USP28: variants seen among roughly 807,000 people sequenced by gnomAD.
USP28 encodes the protein ubiquitin carboxyl-terminal hydrolase 28.
A neutral mutation model predicts 145.0 loss-of-function variants in USP28; 113 were observed. The observed-to-expected ratio is 0.78, with a 90% CI of 0.67 to 0.91. The LOEUF is 0.91. Among genes scored for constraint, USP28 ranks in the 40% least tolerant of loss-of-function variants. USP28 has a pLI of 0.00. For synonymous variants in USP28, 447 were observed against 450.9 expected (o/e 0.99, Z 0.11); for missense variants, 1,201 against 1,289.6 (o/e 0.93, Z 1.05).
At chr11:113,836,517 T>G (rs1388361491) in intron 5 of USP28, among the ~76,000 whole-genome samples, 1 of 152,204 alleles carries the variant, frequency 6.6e-6, no homozygotes, top group Non-Finnish European at 1.5e-5. Context: ...CACTGAAGAC[T>G]GTCATCTAGT....
At chr11:113,855,468 T>C (rs1591440700) in intron 1 of USP28, among the ~76,000 whole-genome samples, 1 of 152,234 alleles carries the variant, frequency 6.6e-6, no homozygotes, top group Non-Finnish European at 1.5e-5. Context: ...CCTAAGGTTA[T>C]GCTTAAATTA....
chr11:113,799,963 T>A (rs1490916246), intron 24 of USP28, among the ~76,000 whole-genome samples: 3 of 152,142 alleles, frequency 2.0e-5, no homozygotes, highest in Non-Finnish European at 4.4e-5. Flanking sequence ...ACAGGATTTT[T>A]AAATAAATAC....
intron 9 of USP28, among the ~76,000 whole-genome samples, chr11:113,830,640 G>A (rs1445407085): frequency 6.6e-6 from 1 of 152,102 alleles, no homozygotes; most frequent in East Asian, 1.9e-4. Context: ...GTATTAATAT[G>A]ACAAATCTGA....
chr11:113,869,660 T>C (rs1328896557), intron 1 of USP28, among the ~76,000 whole-genome samples: 2 of 152,098 alleles, frequency 1.3e-5, no homozygotes, highest in African/African-American at 2.4e-5. Flanking sequence ...GCTGGGTTTT[T>C]GTAAATAAAA....
At chr11:113,803,124 A>G in intron 23 of USP28, 34 bp downstream of exon 24, 1 of 1,584,116 alleles carries the variant, frequency 6.3e-7, no homozygotes, top group Non-Finnish European at 8.6e-7. Context: ...GGTAAACAAC[A>G]AAAAAACCTT....
chr11:113,838,692 C>G (rs1276848139), intron 5 of USP28, among the ~76,000 whole-genome samples: 1 of 152,236 alleles, frequency 6.6e-6, no homozygotes, highest in Non-Finnish European at 1.5e-5. Flanking sequence ...CAGCTGAACC[C>G]TGTCCAGTCC....
chr11:113,800,285 G>A (rs993187321), intron 24 of USP28, among the ~76,000 whole-genome samples: 2 of 152,060 alleles, frequency 1.3e-5, no homozygotes, highest in Non-Finnish European at 2.9e-5. Context: ...GACTACAGGC[G>A]TGAGCCACTG....
At chr11:113,823,311 C>T (rs1405202084) in intron 12 of USP28, among the ~76,000 whole-genome samples, 1 of 152,026 alleles carries the variant, frequency 6.6e-6, no homozygotes, top group African/African-American at 2.4e-5. Flanking sequence ...AAAAAGATGG[C>T]AAGGGGAGTA....
chr11:113,808,403 G>A, exon 18 of USP28: 1 of 1,614,102 alleles, frequency 6.2e-7, no homozygotes, highest in Non-Finnish European at 8.5e-7. Flanking sequence ...CAGACGACAA[G>A]CAGCGAACCC....
At chr11:113,840,861 A>C in intron 4 of USP28, 104 bp from the exon 5 acceptor site, 4 of 1,373,440 alleles carry the variant, frequency 2.9e-6, no homozygotes, top group Non-Finnish European at 1.9e-6. Context: ...AAACACCAGA[A>C]AAAGTATTTA....
At position 113,808,436 on chromosome 11, in the gene USP28, C is replaced by G. The variant is rs759394204; in HGVS notation, c.2166G>C (p.Glu722Asp). The change falls in exon 18 of 25, where the codon GAG becomes GAC. Residue 722 changes from glutamate (E) to aspartate (D), a missense_variant and splice_region_variant. Coordinates refer to ENST00000003302, the Ensembl canonical transcript of USP28. ...CCCCATGAGAAGAGGCTACTGAAGG[C>G]TCTGATAAAGAATTGAACAAAGGTC... 1.2e-6 allele frequency: 2 copies of G among 1,613,700 alleles called. No homozygotes were observed. The highest frequency in any genetic ancestry group is 1.3e-5 in the African/African-American group (1 of 74,874).
intron 12 of USP28, among the ~76,000 whole-genome samples, chr11:113,823,048 A>G (rs1207558665): frequency 6.6e-6 from 1 of 152,238 alleles, no homozygotes; most frequent in East Asian, 1.9e-4. Context: ...TAGACGAGAA[A>G]GAAATTAAAC....
At chr11:113,874,376 C>T (rs1949148795) in intron 1 of USP28, 1 of 736,846 alleles carries the variant, frequency 1.4e-6, no homozygotes, top group East Asian at 7.4e-5. Flanking sequence ...AGTGAGCCGA[C>T]ATCGCGCCAC....
intron 16 of USP28, among the ~76,000 whole-genome samples, chr11:113,811,644 C>A (rs112671330): frequency 1.3e-5 from 2 of 151,652 alleles, no homozygotes; most frequent in East Asian, 1.9e-4. Flanking sequence ...GCTGAGATTG[C>A]GCCACTGCAC....
chr11:113,803,544 C>G (rs1421450470), intron 22 of USP28, among the ~76,000 whole-genome samples: 1 of 152,204 alleles, frequency 6.6e-6, no homozygotes, highest in Non-Finnish European at 1.5e-5. Context: ...AATTCATTTT[C>G]TGAGTTCATC....
chr11:113,841,300 T>C (rs553105795), intron 4 of USP28, among the ~76,000 whole-genome samples: 1 of 152,328 alleles, frequency 6.6e-6, no homozygotes, highest in Non-Finnish European at 1.5e-5. Flanking sequence ...TGATCACTTA[T>C]GAGACAGGGT....
chr11:113,831,241 T>C (rs1446408856), intron 8 of USP28, among the ~76,000 whole-genome samples: 1 of 152,176 alleles, frequency 6.6e-6, no homozygotes, highest in Non-Finnish European at 1.5e-5. Context: ...TATATACATC[T>C]ATATCCAATG....
chr11:113,841,077 A>G (rs1945144085), intron 4 of USP28, among the ~76,000 whole-genome samples: 1 of 152,180 alleles, frequency 6.6e-6, no homozygotes, highest in Non-Finnish European at 1.5e-5. Context: ...AGACCTCACC[A>G]TCGAATAGGG....
chr11:113,847,032 A>G (rs1464895904), intron 3 of USP28, among the ~76,000 whole-genome samples: 1 of 152,160 alleles, frequency 6.6e-6, no homozygotes, highest in Non-Finnish European at 1.5e-5. Context: ...AATTATCACT[A>G]TAACTATTCC....
Sources: gnomAD v4.1 joint callset for allele counts (sites outside exome capture counted in the v4.1 genomes callset) on GRCh38, gnomAD v4.1.1 for gene constraint, MANE v1.5 for transcripts, NCBI Gene and HGNC (gene_info 2026-07-23, HGNC 2026-07-21) for gene names.